The following SP100 variants were observed in gnomAD, a reference collection of about 807,000 sequenced individuals.
The protein encoded by SP100 is SP100 nuclear body protein.
Under a neutral mutation model 130.0 loss-of-function variants are expected in SP100, and 84 were observed. The observed-to-expected ratio is 0.65, with a 90% confidence interval of 0.54 to 0.77. SP100 has a LOEUF of 0.77. Among genes scored for constraint, SP100 ranks in the 30% least tolerant of loss-of-function variants. The probability of loss-of-function intolerance (pLI) is 0.00; values close to 1 mark genes in which losing one functional copy is unlikely to be tolerated. For synonymous variants in SP100, 331 were observed against 351.7 expected, an observed-to-expected ratio of 0.94 and a Z score of 0.66; for missense variants, 978 against 1,052.2, an observed-to-expected ratio of 0.93 and a Z score of 0.97.
At chr2:230,444,743 G>C (rs1246063807) in intron 4 of SP100, among the ~76,000 whole-genome samples, 2 of 152,158 alleles carry the variant, frequency 1.3e-5, no homozygotes, top group Non-Finnish European at 2.9e-5. Context: ...GATCCACCTT[G>C]GCTCAGCACC....
intron 8 of SP100, among the ~76,000 whole-genome samples, chr2:230,458,124 G>T (rs1271428380): frequency 6.6e-6 from 1 of 152,172 alleles, no homozygotes; most frequent in Non-Finnish European, 1.5e-5. Flanking sequence ...GGGTACCAAT[G>T]CCCCATGCAG....
intron 17 of SP100, among the ~76,000 whole-genome samples, chr2:230,482,796 AT>A (rs1183214554): frequency 6.6e-6 from 1 of 152,138 alleles, no homozygotes; most frequent in Non-Finnish European, 1.5e-5. Flanking sequence ...AAATACTAAA[AT>A]TTTATAACGT....
intron 24 of SP100, among the ~76,000 whole-genome samples, chr2:230,524,385 A>G (rs1575804033): frequency 6.6e-6 from 1 of 151,320 alleles, no homozygotes; most frequent in Non-Finnish European, 1.5e-5. Context: ...AAAGAAAAGA[A>G]AAGGAAAAAA....
chr2:230,498,481 A>G lies in SP100; in HGVS notation c.1666A>G (p.Arg556Gly). The stretch of plus-strand genomic sequence containing the variant: ...CTCAGGGAGAAAGAAAGACAGACCT[A>G]GAAAACATTTAACTCTGAATAACAA... Reference protein sequence around the residue: ...LQRGRKKDRPRKHLTLNNKVQ... With the variant: ...LQRGRKKDRPGKHLTLNNKVQ... Residue 556 changes from arginine (R) to glycine (G), a missense_variant, in exon 19 of 29, where the codon AGA becomes GGA. Coordinates refer to ENST00000340126, the MANE Select transcript of SP100 (RefSeq NM_001080391.2). 2 of 1,514,462 alleles carry G rather than the reference A, an allele frequency of 1.3e-6. No individual in the cohort carries two copies. The highest frequency in any genetic ancestry group is 1.8e-6 in the Non-Finnish European group (2 of 1,139,978). 93.8% of individuals were successfully genotyped at this position (1,514,462 alleles called of 1,614,324 possible).
chr2:230,466,724 T>C (rs1318753300), intron 12 of SP100, among the ~76,000 whole-genome samples: 1 of 152,204 alleles, frequency 6.6e-6, no homozygotes, highest in Non-Finnish European at 1.5e-5. Context: ...CCTTCTCCCA[T>C]CCTAGACTTT....
intron 2 of SP100, among the ~76,000 whole-genome samples, chr2:230,428,273 G>A (rs1347353654): frequency 6.6e-6 from 1 of 152,122 alleles, no homozygotes; most frequent in Non-Finnish European, 1.5e-5. Context: ...ACCTGAGACT[G>A]TGTAATTTAT....
intron 16 of SP100, among the ~76,000 whole-genome samples, chr2:230,473,877 T>G (rs375250703): frequency 6.6e-6 from 1 of 151,700 alleles, no homozygotes; most frequent in Non-Finnish European, 1.5e-5. Context: ...GTTCCATCCT[T>G]GTTCTTGAAA....
intron 7 of SP100, 28 bp downstream of exon 7, chr2:230,449,738 G>A (rs1362798095): frequency 6.2e-7 from 1 of 1,613,296 alleles, no homozygotes; most frequent in Non-Finnish European, 8.5e-7. Context: ...GGCATGAATG[G>A]GGAGGAGCCA....
At chr2:230,542,657 T>C (rs864460) in intron 28 of SP100, among the ~76,000 whole-genome samples, 179 bp from the exon 29 acceptor site, 123,556 of 152,188 alleles carry the variant, frequency 0.81, 50,759 homozygotes, top group Middle Eastern at 0.91. Flanking sequence ...AGTAGTATTT[T>C]GACTTGTCTT....
intron 10 of SP100, among the ~76,000 whole-genome samples, chr2:230,463,107 A>G (rs533905469): frequency 6.6e-6 from 1 of 152,344 alleles, no homozygotes; most frequent in East Asian, 1.9e-4. Context: ...TAAATTTACA[A>G]TAACCTTAAA....
chr2:230,509,664 G>T (rs967206349), intron 23 of SP100: 1 of 152,058 alleles, frequency 6.6e-6, no homozygotes. Flanking sequence ...TCTCCCCTCG[G>T]TTTCTAATGC....
At chr2:230,500,763 A>G (rs1649876) in intron 19 of SP100, among the ~76,000 whole-genome samples, 127,318 of 152,072 alleles carry the variant, frequency 0.84, 53,634 homozygotes, top group Middle Eastern at 0.93. Flanking sequence ...CCCACACAGA[A>G]CCACCCCTGT....
At chr2:230,517,069 G>A (rs952079590) in intron 24 of SP100, among the ~76,000 whole-genome samples, 11 of 152,092 alleles carry the variant, frequency 7.2e-5, no homozygotes, top group Non-Finnish European at 1.2e-4. Flanking sequence ...GTAACTGAAG[G>A]AAGATCTAGT....
At chr2:230,484,531 C>T (rs554018557) in intron 17 of SP100, among the ~76,000 whole-genome samples, 2 of 152,278 alleles carry the variant, frequency 1.3e-5, no homozygotes, top group African/African-American at 4.8e-5. Context: ...CCATGATGAT[C>T]GATTTGTTCA....
chr2:230,462,662 G>A (rs1314865199), intron 10 of SP100, 144 bp downstream of exon 10: 2 of 662,430 alleles, frequency 3.0e-6, no homozygotes, highest in African/African-American at 3.7e-5. Flanking sequence ...AATTTTACTT[G>A]ACCTTTTTGG....
At chr2:230,483,063 T>C (rs1167173485) in intron 17 of SP100, among the ~76,000 whole-genome samples, 2 of 152,216 alleles carry the variant, frequency 1.3e-5, no homozygotes, top group African/African-American at 4.8e-5. Flanking sequence ...TATTCATTTA[T>C]TCAGCAAATC....
rs1575678614 is a variant in SP100 at position 230,469,980 on chromosome 2, C to G, written c.1346-35C>G. ...TCCCTGCTGATTCCTAAGACTCAGACTAAGACTGTTAAGGAATTTTATTTT... is the reference window on the plus strand; with the variant it reads ...TCCCTGCTGATTCCTAAGACTCAGAGTAAGACTGTTAAGGAATTTTATTTT... On this transcript the variant is annotated intron_variant, in intron 14 of 28. Transcript: ENST00000340126. 1.9e-6 allele frequency: 3 copies of G among 1,594,626 alleles called. No individual in the cohort carries two copies. In the East Asian group the frequency reaches 6.8e-5, roughly 36 times the overall value.
At chr2:230,541,840 G>T in intron 27 of SP100, 52 bp from the exon 28 acceptor site, 3 of 1,571,990 alleles carry the variant, frequency 1.9e-6, no homozygotes, top group Non-Finnish European at 2.6e-6. Flanking sequence ...CCATAATAGT[G>T]GGAGTCTATG....
chr2:230,521,882 T>G (rs1282092281), intron 24 of SP100, among the ~76,000 whole-genome samples: 1 of 152,196 alleles, frequency 6.6e-6, no homozygotes, highest in Non-Finnish European at 1.5e-5. Context: ...TGCATCTGGA[T>G]AGATGAGTAT....
Sources: allele counts gnomAD v4.1 joint callset (sites outside exome capture counted in the v4.1 genomes callset), GRCh38; gene constraint gnomAD v4.1.1; transcripts MANE v1.5; gene names NCBI Gene and HGNC (gene_info 2026-07-23, HGNC 2026-07-21).